The following OPA1 variants were observed in gnomAD, a reference collection of about 807,000 sequenced individuals.
OPA1 encodes the protein OPA1 mitochondrial dynamin like GTPase.
OPA1 carries 59 observed loss-of-function variants against 152.9 expected under a neutral mutation model. That is an observed-to-expected ratio of 0.39 (90% CI 0.31 to 0.48). The LOEUF (loss-of-function observed/expected upper bound fraction) is 0.48, where lower values mean the gene tolerates loss of function less well. Among genes scored for constraint, OPA1 ranks in the 20% least tolerant of loss-of-function variants. OPA1 has a pLI of 0.96. For synonymous variants in OPA1, 400 were observed against 389.9 expected, an observed-to-expected ratio of 1.03 and a Z score of -0.31; for missense variants, 1,008 against 1,216.8, an observed-to-expected ratio of 0.83 and a Z score of 2.55.
At chr3:193,666,133 C>G (rs1716482244) in intron 27 of OPA1, among the ~76,000 whole-genome samples, 163 bp from the exon 28 acceptor site, 1 of 152,134 alleles carries the variant, frequency 6.6e-6, no homozygotes, top group Non-Finnish European at 1.5e-5. Flanking sequence ...TGGCTCCGTA[C>G]AGAAAGGATT....
At chr3:193,604,448 C>G (rs560356332) in intron 1 of OPA1, among the ~76,000 whole-genome samples, 1 of 152,148 alleles carries the variant, frequency 6.6e-6, no homozygotes, top group Non-Finnish European at 1.5e-5. Flanking sequence ...CCTAAGAAAG[C>G]CTTTTGTCTT....
chr3:193,611,106 A>G (rs2101340), intron 1 of OPA1, among the ~76,000 whole-genome samples: 65,362 of 152,038 alleles, frequency 0.43, 14,316 homozygotes, highest in Non-Finnish European at 0.44. Context: ...AAATGCAGAA[A>G]TCACCCGTTT....
At chr3:193,681,883 C>T (rs1196830937) in intron 29 of OPA1, among the ~76,000 whole-genome samples, 1 of 148,910 alleles carries the variant, frequency 6.7e-6, no homozygotes, top group East Asian at 2.0e-4. Context: ...CCTCTTCAGG[C>T]CTCCCTATTC....
At chr3:193,649,016 T>C in intron 21 of OPA1, 145 bp downstream of exon 21, 1 of 601,734 alleles carries the variant, frequency 1.7e-6, no homozygotes, top group Non-Finnish European at 3.0e-6. Context: ...TTTGGCAATA[T>C]CTAACTACTT....
intron 24 of OPA1, 47 bp from the exon 25 acceptor site, chr3:193,659,431 TTGTG>T: frequency 1.5e-6 from 2 of 1,372,138 alleles, no homozygotes; most frequent in East Asian, 2.5e-5. Flanking sequence ...TAGTTATAAT[TTGTG>T]TGTGTGTAAG....
intron 1 of OPA1, among the ~76,000 whole-genome samples, chr3:193,604,860 C>CAAAAAAAAAAAAAAAAAAAAAAAAAAAAA (rs55904490): frequency 9.6e-6 from 1 of 104,594 alleles, no homozygotes; most frequent in Non-Finnish European, 1.9e-5. Context: ...AACTCCATCT[C>CAAAAAAAAAAAAAAAAAAAAAAAAAAAAA]AAAAAAAAAA....
Position 193,645,577 on chromosome 3 carries a change from C to T in OPA1, c.1633C>T (p.Leu545Phe). The change falls in exon 17 of 31, where the codon CTC becomes TTC. Residue 545 changes from leucine to phenylalanine, a missense_variant. Physicochemically the swap from Leu to Phe is conservative, Grantham distance 22. Transcript: ENST00000361510. Reference sequence around the variant, plus strand: ...GATTCAGCAGATAATTGAAGGAAAGCTCTTCCCAATGAAAGCTTTAGGTTA... The same window carrying T: ...GATTCAGCAGATAATTGAAGGAAAGTTCTTCCCAATGAAAGCTTTAGGTTA... The part of the protein sequence containing the change: ...SRIQQIIEGK[L>F]FPMKALGYFA... 2 of 1,612,874 alleles carry T rather than the reference C, an allele frequency of 1.2e-6. No individual in the cohort carries two copies. Among genetic ancestry groups the T allele is most frequent in the Admixed American group, 1.7e-5 (1 of 59,988 alleles).
In OPA1 at chr3:193,631,620, CAA is replaced by C. The variant is rs794727804; in HGVS notation, c.800_801del (p.Lys267ArgfsTer4). Reference protein sequence around the residue: ...YAQQKRKVSDKEKIDQLQEEL... With the variant: ...YAQQKRKVSDXEKIDQLQEEL... The stretch of plus-strand genomic sequence containing the variant: ...TTATTTTAAACATTTAGGTGTCAGA[CAA>C]AGAGAAAATTGACCAACTTCAGGAA... On this transcript the variant is annotated frameshift_variant, in exon 8 of 31. Transcript: ENST00000361510. LOFTEE classifies it high-confidence loss of function. The C allele has an allele frequency of 3.7e-6, 6 of 1,609,742 alleles. No individual in the cohort carries two copies. Among genetic ancestry groups the C allele is most frequent in the Admixed American group, 1.7e-5 (1 of 59,962 alleles).
At chr3:193,691,581 T>C (rs1282518281) in intron 29 of OPA1, 2 of 153,154 alleles carry the variant, frequency 1.3e-5, no homozygotes, top group East Asian at 3.8e-4. Flanking sequence ...TATGGCCATA[T>C]TGATTGATCT....
chr3:193,678,560 A>G (rs1719570403), intron 29 of OPA1, among the ~76,000 whole-genome samples: 1 of 152,186 alleles, frequency 6.6e-6, no homozygotes, highest in South Asian at 2.1e-4. Flanking sequence ...TTAATTTCCC[A>G]TCGCTCAGTG....
chr3:193,670,609 G>A lies in OPA1; in HGVS notation c.2983+3329G>A, dbSNP rs1185148. ...TCTCGATCTCCTGACCTCATGATCC[G>A]CCCGCCTCGGCCTCCCAAAGTGCTG... On this transcript the variant is annotated intron_variant, in intron 29 of 30. Transcript: ENST00000361510. Among the ~76,000 whole-genome samples the A allele has an allele frequency of 5.4e-3, 818 of 151,898 alleles. 11 individuals are homozygous for A. The highest frequency in any genetic ancestry group is 0.018 in the African/African-American group (753 of 41,438).
chr3:193,684,282 TA>T (rs1720618089), intron 29 of OPA1, among the ~76,000 whole-genome samples: 1 of 152,120 alleles, frequency 6.6e-6, no homozygotes, highest in African/African-American at 2.4e-5. Context: ...TATCTAAAGA[TA>T]AAATACATAG....
At chr3:193,608,804 G>A (rs1467961683) in intron 1 of OPA1, among the ~76,000 whole-genome samples, 1 of 152,084 alleles carries the variant, frequency 6.6e-6, no homozygotes, top group African/African-American at 2.4e-5. Context: ...ACAGTGGGGT[G>A]TTAAAGTCTC....
chr3:193,685,591 T>C (rs543850860), intron 29 of OPA1, among the ~76,000 whole-genome samples: 4 of 152,166 alleles, frequency 2.6e-5, no homozygotes, highest in South Asian at 2.1e-4. Flanking sequence ...TTTTGGTAAG[T>C]AGAGAATTTA....
intron 23 of OPA1, among the ~76,000 whole-genome samples, chr3:193,658,101 C>T (rs1020546443): frequency 6.6e-6 from 1 of 151,942 alleles, no homozygotes; most frequent in Non-Finnish European, 1.5e-5. Flanking sequence ...CAAAATTAAC[C>T]AGGCATGGTG....
Position 193,615,024 on chromosome 3 carries a change from G to A in OPA1, c.334G>A (p.Gly112Ser), listed in dbSNP as rs1228523553. The part of the protein sequence containing the change: ...YLILGSAVGG[G>S]YTAKKTFDQW... Reference sequence around the variant, plus strand: ...CATACTAGGATCGGCTGTTGGGGGTGGCTACACAGCCAAAAAGGTGAACTT... The same window carrying A: ...CATACTAGGATCGGCTGTTGGGGGTAGCTACACAGCCAAAAAGGTGAACTT... The change falls in exon 2 of 31, where the codon GGC (glycine) becomes AGC (serine). Residue 112 changes from glycine to serine, a missense_variant. Physicochemically the swap from Gly to Ser is moderately conservative, Grantham distance 56. Transcript: ENST00000361510. The A allele has an allele frequency of 1.2e-6, 2 of 1,613,860 alleles. No homozygotes were observed. Among genetic ancestry groups the A allele is most frequent in the African/African-American group, 2.7e-5 (2 of 75,022 alleles).
chr3:193,676,983 A>G (rs1254508689), intron 29 of OPA1, among the ~76,000 whole-genome samples: 16 of 135,126 alleles, frequency 1.2e-4, no homozygotes, highest in South Asian at 9.2e-4. Flanking sequence ...TCGTCTCAAA[A>G]AAAAAAAAAA....
chr3:193,651,367 T>G (rs1267231125), intron 21 of OPA1, among the ~76,000 whole-genome samples: 2 of 152,164 alleles, frequency 1.3e-5, no homozygotes, highest in African/African-American at 4.8e-5. Context: ...GAAGAGACAC[T>G]TGTGAGATAC....
At chr3:193,613,812 A>G in intron 1 of OPA1, 1 of 448,442 alleles carries the variant, frequency 2.2e-6, no homozygotes, top group South Asian at 1.7e-5. Context: ...TCCTGACCTC[A>G]GGTGATTCAC....
Sources: gnomAD v4.1 joint callset for allele counts (sites outside exome capture counted in the v4.1 genomes callset) on GRCh38, gnomAD v4.1.1 for gene constraint, MANE v1.5 for transcripts, NCBI Gene and HGNC (gene_info 2026-07-23, HGNC 2026-07-21) for gene names.